DCLK1: variants seen among roughly 807,000 people sequenced by gnomAD.
DCLK1 encodes doublecortin like kinase 1, also known as serine/threonine-protein kinase DCLK1.
DCLK1 carries 16 observed loss-of-function variants against 86.2 expected under a neutral mutation model. That is an observed-to-expected ratio of 0.19 (90% CI 0.13 to 0.28). The LOEUF (loss-of-function observed/expected upper bound fraction) is 0.28. Ranked by LOEUF, DCLK1 falls within the 10% of genes least tolerant of loss-of-function variation. DCLK1 has a pLI of 1.00. For missense variants in DCLK1, 590 were observed against 940.2 expected, an observed-to-expected ratio of 0.63 and a Z score of 4.87; for synonymous variants, 369 against 370.5, an observed-to-expected ratio of 1.00 and a Z score of 0.05.
chr13:36,121,883 A>G (rs1185481114), intron 2 of DCLK1, among the ~76,000 whole-genome samples: 1 of 152,140 alleles, frequency 6.6e-6, no homozygotes, highest in African/African-American at 2.4e-5. Flanking sequence ...AGGTGGGTGG[A>G]TGGCTTGAGC....
intron 4 of DCLK1, among the ~76,000 whole-genome samples, chr13:35,921,068 G>A (rs1057116065): frequency 4.6e-5 from 7 of 151,970 alleles, no homozygotes; most frequent in African/African-American, 1.5e-4. Context: ...TTTACCCCTG[G>A]GTCCCTCCAA....
chr13:36,088,678 G>A (rs1464309809), intron 3 of DCLK1, among the ~76,000 whole-genome samples: 1 of 152,212 alleles, frequency 6.6e-6, no homozygotes, highest in Non-Finnish European at 1.5e-5. Flanking sequence ...TCTGCGAGAC[G>A]TGCCGGGGTT....
intron 3 of DCLK1, among the ~76,000 whole-genome samples, chr13:36,038,287 C>T (rs1882579842): frequency 1.3e-5 from 2 of 152,142 alleles, no homozygotes. Context: ...CATCCCTGCC[C>T]CTGAGGTTTG....
intron 3 of DCLK1, among the ~76,000 whole-genome samples, chr13:35,991,781 C>G (rs1166525805): frequency 1.3e-5 from 2 of 152,196 alleles, no homozygotes; most frequent in African/African-American, 4.8e-5. Context: ...AGATTCTTCT[C>G]TTCCCCCCAT....
chr13:35,876,238 T>C (rs902226828), intron 4 of DCLK1, among the ~76,000 whole-genome samples: 1 of 152,220 alleles, frequency 6.6e-6, no homozygotes. Context: ...GTCTGAAAGA[T>C]AATTACAAAT....
chr13:35,851,763 T>A (rs1243853034), intron 6 of DCLK1, among the ~76,000 whole-genome samples: 2 of 152,232 alleles, frequency 1.3e-5, no homozygotes, highest in African/African-American at 4.8e-5. Context: ...ATGTCTGGCA[T>A]GCAGGTTTTC....
chr13:36,098,650 T>G (rs527418801), intron 3 of DCLK1, among the ~76,000 whole-genome samples: 1 of 152,242 alleles, frequency 6.6e-6, no homozygotes, highest in Non-Finnish European at 1.5e-5. Flanking sequence ...CTATTTCTCT[T>G]GTGCCCCAAA....
chr13:36,020,416 G>C (rs1881725204), intron 3 of DCLK1, among the ~76,000 whole-genome samples: 1 of 152,092 alleles, frequency 6.6e-6, no homozygotes, highest in Non-Finnish European at 1.5e-5. Context: ...ACTTTTCTTA[G>C]AAGTCTGGAA....
intron 4 of DCLK1, among the ~76,000 whole-genome samples, chr13:35,894,013 A>G (rs1323301965): frequency 1.3e-5 from 2 of 152,212 alleles, no homozygotes; most frequent in Admixed American, 1.3e-4. Flanking sequence ...TAAAAATAAT[A>G]TAAAATCACC....
chr13:35,992,682 C>A (rs1390425351), intron 3 of DCLK1, among the ~76,000 whole-genome samples: 1 of 152,118 alleles, frequency 6.6e-6, no homozygotes, highest in African/African-American at 2.4e-5. Flanking sequence ...ATCATATGTT[C>A]AATTTGCCTA....
chr13:36,041,491 T>C (rs1882701289), intron 3 of DCLK1, among the ~76,000 whole-genome samples: 1 of 152,204 alleles, frequency 6.6e-6, no homozygotes, highest in South Asian at 2.1e-4. Context: ...TCACTTCCGA[T>C]GTTACTTTGT....
At chr13:35,902,982 A>C (rs1306579217) in intron 4 of DCLK1, among the ~76,000 whole-genome samples, 1 of 151,942 alleles carries the variant, frequency 6.6e-6, no homozygotes, top group Non-Finnish European at 1.5e-5. Context: ...AATATAAATA[A>C]TTAAAATTAA....
chr13:36,014,062 C>A lies in DCLK1; in HGVS notation c.724-66605G>T, dbSNP rs530357428. Among the ~76,000 whole-genome samples, 8 of 152,336 alleles carry A rather than the reference C, an allele frequency of 5.3e-5. No individual in the cohort carries two copies. The East Asian group carries it at 1.4e-3, about 26-fold the overall frequency. On this transcript the variant is annotated intron_variant, in intron 3 of 16. Coordinates refer to ENST00000360631, the MANE Select transcript of DCLK1 (RefSeq NM_001330071.2). ...GGTGAGGCAATGCCTCGCCCTGCTT[C>A]GGCTCGCGCACGGTGCGCGCACCCA...
At chr13:35,822,423 T>G (rs941209378) in intron 11 of DCLK1, among the ~76,000 whole-genome samples, 2 of 152,222 alleles carry the variant, frequency 1.3e-5, no homozygotes, top group African/African-American at 4.8e-5. Context: ...AAATGACATT[T>G]GTGTCTGTGT....
intron 4 of DCLK1, among the ~76,000 whole-genome samples, chr13:35,891,275 G>T (rs888655803): frequency 6.6e-6 from 1 of 152,062 alleles, no homozygotes; most frequent in South Asian, 2.1e-4. Flanking sequence ...AAAAAAAACA[G>T]TTGACAGAGA....
intron 16 of DCLK1, among the ~76,000 whole-genome samples, chr13:35,783,463 C>T (rs1169280038): frequency 3.3e-5 from 5 of 152,162 alleles, no homozygotes; most frequent in Admixed American, 6.5e-5. Context: ...GAATGTAACT[C>T]GCCCAAGGTT....
chr13:36,050,266 A>T (rs774042885), intron 3 of DCLK1, among the ~76,000 whole-genome samples: 1 of 152,238 alleles, frequency 6.6e-6, no homozygotes, highest in Non-Finnish European at 1.5e-5. Flanking sequence ...AGGAAAAATC[A>T]TATTTCTTAG....
chr13:35,896,717 G>T (rs1481166676), intron 4 of DCLK1, among the ~76,000 whole-genome samples: 1 of 152,012 alleles, frequency 6.6e-6, no homozygotes, highest in Non-Finnish European at 1.5e-5. Flanking sequence ...GCCTTGGCAG[G>T]ATAAGATGAA....
intron 3 of DCLK1, among the ~76,000 whole-genome samples, chr13:35,988,693 T>C (rs1373739719): frequency 6.6e-6 from 1 of 152,228 alleles, no homozygotes; most frequent in Non-Finnish European, 1.5e-5. Flanking sequence ...GTTAAAAAAC[T>C]GGTGACTCCT....
Sources: allele counts gnomAD v4.1 joint callset (sites outside exome capture counted in the v4.1 genomes callset), GRCh38; gene constraint gnomAD v4.1.1; transcripts MANE v1.5; gene names NCBI Gene and HGNC (gene_info 2026-07-23, HGNC 2026-07-21).